The following ITPRIP variants were observed in gnomAD, a reference collection of about 807,000 sequenced individuals.
ITPRIP encodes the protein inositol 1,4,5-trisphosphate receptor-interacting protein.
A neutral mutation model predicts 35.8 loss-of-function variants in ITPRIP; 32 were observed. The observed-to-expected ratio is 0.89, with a 90% CI of 0.68 to 1.20. ITPRIP has a LOEUF of 1.20. ITPRIP is among the 50% of genes most tolerant of loss of function. ITPRIP has a pLI of 0.00. For synonymous variants in ITPRIP, 358 were observed against 324.0 expected (o/e 1.11, Z -1.13); for missense variants, 653 against 735.6 (o/e 0.89, Z 1.30).
chr10:104,320,107 CAG>C (rs749405241), intron 1 of ITPRIP, among the ~76,000 whole-genome samples: 9 of 152,182 alleles, frequency 5.9e-5, no homozygotes, highest in Non-Finnish European at 1.3e-4. Context: ...ACATTCTGTA[CAG>C]AATCTCCTTC....
Position 104,311,765 on chromosome 10 carries a change from C to T in ITPRIP, c.*2643G>A, listed in dbSNP as rs7083793. 1 of 152,100 alleles carries T rather than the reference C, an allele frequency of 6.6e-6. No homozygotes were observed. Among genetic ancestry groups the T allele is most frequent in the Non-Finnish European group, 1.5e-5 (1 of 68,020 alleles). 9.4% of individuals were successfully genotyped at this position (152,100 alleles called of 1,614,324 possible). On this transcript the variant is annotated 3_prime_UTR_variant, in exon 2 of 2. Transcript: ENST00000337478. The stretch of plus-strand genomic sequence containing the variant: ...TTGTCCTTAGTGGAAAGGCCAAAGT[C>T]CCCTAGAGGACTCAAAATCCTCTAT...
At chr10:104,325,792 C>T (rs904638711) in intron 1 of ITPRIP, among the ~76,000 whole-genome samples, 2 of 152,202 alleles carry the variant, frequency 1.3e-5, no homozygotes, top group Non-Finnish European at 2.9e-5. Context: ...CGCTAAGAAG[C>T]GCTTGGTATT....
At chr10:104,319,753 GC>G (rs1180722923) in intron 1 of ITPRIP, among the ~76,000 whole-genome samples, 1 of 151,860 alleles carries the variant, frequency 6.6e-6, no homozygotes, top group East Asian at 1.9e-4. Flanking sequence ...AGGAAACACT[GC>G]CCTGGGGACC....
In ITPRIP at chr10:104,333,181, A is replaced by C. The variant is rs1437914219; in HGVS notation, c.-14+5065T>G. Among the ~76,000 whole-genome samples the C allele has an allele frequency of 6.6e-6, 1 of 152,122 alleles. No individual in the cohort carries two copies. The highest frequency in any genetic ancestry group is 1.5e-5 in the Non-Finnish European group (1 of 68,016). The stretch of plus-strand genomic sequence containing the variant: ...CTAAGGAGTCCCGTTCAGAGAACTG[A>C]AGGAGACTGCAGCTGTCAGCACTGC... On this transcript the variant is annotated intron_variant, in intron 1 of 1. Transcript: ENST00000337478. This position sits in a 1 kb window ranked among gnomAD's most constrained non-coding sequence, Gnocchi z 4.1.
At position 104,311,455 on chromosome 10, in the gene ITPRIP, G is replaced by A. The variant is rs2013485327; in HGVS notation, c.*2953C>T. On this transcript the variant is annotated 3_prime_UTR_variant, in exon 2 of 2. Coordinates refer to ENST00000337478, the MANE Select transcript of ITPRIP (RefSeq NM_001272013.2). Reference sequence around the variant, plus strand: ...GATTCTGAGCACCATGTAGGTTCAAGGCGGGGTCGGGGCAATGGACCAGGT... The same window carrying A: ...GATTCTGAGCACCATGTAGGTTCAAAGCGGGGTCGGGGCAATGGACCAGGT... 1 of 152,282 alleles carries A rather than the reference G, an allele frequency of 6.6e-6. No homozygotes were observed. Among genetic ancestry groups the A allele is most frequent in the Admixed American group, 6.5e-5 (1 of 15,294 alleles). 9.4% of individuals were successfully genotyped at this position (152,282 alleles called of 1,614,324 possible). A position where few individuals can be genotyped will look rare whatever the true frequency, so the allele number is the denominator to read the frequency against.
rs766722442 is a variant in ITPRIP, at chr10:104,315,671, C to T, written c.381G>A (p.Gly127=). 1 of 1,612,798 alleles carries T rather than the reference C, an allele frequency of 6.2e-7. No individual in the cohort carries two copies. Among genetic ancestry groups the T allele is most frequent in the South Asian group, 1.1e-5 (1 of 91,068 alleles). Residue 127 remains glycine, a synonymous_variant, in exon 2 of 2, where the codon GGG becomes GGA. Coordinates refer to ENST00000337478, the MANE Select transcript of ITPRIP (RefSeq NM_001272013.2). This position sits in a 1 kb window ranked among gnomAD's most constrained non-coding sequence, Gnocchi z 5.7. ...GGGTGAGGCCCTGCAAGGGGGCGCCCCCCAGCCCAGGCAGCTCATCCTCCT... is the reference window on the plus strand; with the variant it reads ...GGGTGAGGCCCTGCAAGGGGGCGCCTCCCAGCCCAGGCAGCTCATCCTCCT... ...GGEEDELPGL[G]GAPLQGLTLP...
At position 104,315,665 on chromosome 10, in the gene ITPRIP, G is replaced by A; in HGVS notation, c.387C>T (p.Ala129=). ...EEDELPGLGG[A]PLQGLTLPNK... is the part of the protein sequence containing the mutation. ...TGGGCAGGGTGAGGCCCTGCAAGGG[G>A]GCGCCCCCCAGCCCAGGCAGCTCAT... is the stretch of plus-strand genomic sequence containing the variant. Residue 129 remains alanine (A), a synonymous_variant, in exon 2 of 2, where the codon GCC becomes GCT. Coordinates refer to ENST00000337478, the MANE Select transcript of ITPRIP (RefSeq NM_001272013.2). The surrounding 1 kb of genome is among the most constrained non-coding windows in gnomAD (Gnocchi z 5.7). 1 of 1,612,610 alleles carries A rather than the reference G, an allele frequency of 6.2e-7. No individual in the cohort carries two copies. The highest frequency in any genetic ancestry group is 1.1e-5 in the South Asian group (1 of 91,068).
intron 1 of ITPRIP, among the ~76,000 whole-genome samples, chr10:104,335,064 G>A (rs1430078409): frequency 1.3e-5 from 2 of 152,214 alleles, no homozygotes; most frequent in Admixed American, 6.5e-5. Context: ...GACAGGTGAC[G>A]TGATCCAGGT....
chr10:104,315,654 C>T lies in ITPRIP; in HGVS notation c.398G>A (p.Gly133Asp), dbSNP rs2013652046. The T allele has an allele frequency of 4.3e-6, 7 of 1,612,272 alleles. No individual in the cohort carries two copies. The highest frequency in any genetic ancestry group is 2.7e-5 in the African/African-American group (2 of 74,948). Residue 133 changes from glycine to aspartate, a missense_variant, in exon 2 of 2, where the codon GGC (glycine) becomes GAC (aspartate). Physicochemically the swap from Gly to Asp is moderately conservative, Grantham distance 94 (BLOSUM62 -1). Transcript: ENST00000337478. This position sits in a 1 kb window ranked among gnomAD's most constrained non-coding sequence, Gnocchi z 5.7. ...CGTGGCCTTGTTGGGCAGGGTGAGG[C>T]CCTGCAAGGGGGCGCCCCCCAGCCC... ...LPGLGGAPLQGLTLPNKATLG... is the reference protein window; with the variant it reads ...LPGLGGAPLQDLTLPNKATLG...
chr10:104,338,089 C>G (rs554004342), intron 1 of ITPRIP, among the ~76,000 whole-genome samples, 157 bp downstream of exon 1: 1 of 152,318 alleles, frequency 6.6e-6, no homozygotes, highest in South Asian at 2.1e-4. Context: ...AAGGGGGTCT[C>G]CAAAGTCAGC....
chr10:104,318,656 A>G (rs1483512859), intron 1 of ITPRIP, among the ~76,000 whole-genome samples: 3 of 152,156 alleles, frequency 2.0e-5, no homozygotes, highest in African/African-American at 7.2e-5. Context: ...CAGAACTCCA[A>G]ACCAACTGAA....
chr10:104,330,583 G>A (rs947806846), intron 1 of ITPRIP, among the ~76,000 whole-genome samples: 6 of 152,304 alleles, frequency 3.9e-5, no homozygotes, highest in African/African-American at 1.4e-4. Flanking sequence ...ATAAACAGAG[G>A]ATTACAGAGT....
intron 1 of ITPRIP, among the ~76,000 whole-genome samples, chr10:104,317,025 T>C (rs2013710911): frequency 6.6e-6 from 1 of 152,232 alleles, no homozygotes; most frequent in Non-Finnish European, 1.5e-5. Flanking sequence ...CAGTGACCAG[T>C]GCAAAGCACA....
intron 1 of ITPRIP, among the ~76,000 whole-genome samples, chr10:104,336,917 G>A (rs2014246055): frequency 6.6e-6 from 1 of 152,224 alleles, no homozygotes; most frequent in African/African-American, 2.4e-5. Flanking sequence ...TACGTAAAAT[G>A]TAGATTTACT....
At position 104,314,971 on chromosome 10, in the gene ITPRIP, A is replaced by T; in HGVS notation, c.1081T>A (p.Phe361Ile). The change falls in exon 2 of 2, where the codon TTT becomes ATT. Residue 361 changes from phenylalanine (F) to isoleucine (I), a missense_variant. Transcript: ENST00000337478. ...GGCTCCCTGGGAAGGTGGGAGACAA[A>T]GTACAGGTCCGAGTCATCACACTGG... is the stretch of plus-strand genomic sequence containing the variant. ...VIQCDDSDLYFVSHLPREPSE... is the reference protein window; with the variant it reads ...VIQCDDSDLYIVSHLPREPSE... 1 of 1,613,920 alleles carries T rather than the reference A, an allele frequency of 6.2e-7. No individual in the cohort carries two copies.
In ITPRIP at chr10:104,315,863, C is replaced by G; in HGVS notation, c.189G>C (p.Ala63=). Residue 63 remains alanine, a synonymous_variant, in exon 2 of 2, where the codon GCG becomes GCC. Transcript: ENST00000337478. The surrounding 1 kb of genome is among the most constrained non-coding windows in gnomAD (Gnocchi z 5.7). ...CCTGCTCCAGTGCCTCCTTTTCGGCCGCCAGCCGAGCCACCTCCTCCTCCA... is the reference window on the plus strand; with the variant it reads ...CCTGCTCCAGTGCCTCCTTTTCGGCGGCCAGCCGAGCCACCTCCTCCTCCA... The part of the protein sequence containing the change: ...LRLEEEVARL[A]AEKEALEQVA... The G allele has an allele frequency of 6.2e-7, 1 of 1,613,134 alleles. No individual in the cohort carries two copies.
intron 1 of ITPRIP, among the ~76,000 whole-genome samples, chr10:104,335,688 G>C (rs2014220870): frequency 6.6e-6 from 1 of 152,140 alleles, no homozygotes. Flanking sequence ...TCCTTTGACA[G>C]AGAAAGAAAA....
At position 104,315,804 on chromosome 10, in the gene ITPRIP, C is replaced by T. The variant is rs749925617; in HGVS notation, c.248G>A (p.Arg83His). 15 of 1,613,624 alleles carry T rather than the reference C, an allele frequency of 9.3e-6. No homozygotes were observed. The highest frequency in any genetic ancestry group is 4.4e-5 in the South Asian group (4 of 91,082). The change falls in exon 2 of 2, where the codon CGC (arginine) becomes CAC (histidine). Residue 83 changes from arginine (R) to histidine (H), a missense_variant. Transcript: ENST00000337478. This position sits in a 1 kb window ranked among gnomAD's most constrained non-coding sequence, Gnocchi z 5.7. ...AEEGRQQNET[R>H]VAWDLWSTLC... ...GGTGCTCCAGAGGTCCCAGGCCACG[C>T]GTGTCTCGTTCTGCTGCCTGCCCTC...
Position 104,333,748 on chromosome 10 carries a change from G to A in ITPRIP, c.-14+4498C>T, listed in dbSNP as rs572230067. 1 of 152,268 alleles carries A rather than the reference G, an allele frequency of 6.6e-6. No individual in the cohort carries two copies. The allele number at this position is 152,268 out of a possible 1,614,324, so 9.4% of individuals were successfully genotyped here. On this transcript the variant is annotated intron_variant, in intron 1 of 1. Transcript: ENST00000337478. The surrounding 1 kb of genome is among the most constrained non-coding windows in gnomAD (Gnocchi z 4.1). ...ACAAACTGCTGGAAAGACCACTGAG[G>A]ATAGATGTCCTCCCCGTCTAGGACA...
Sources: allele counts gnomAD v4.1 joint callset (sites outside exome capture counted in the v4.1 genomes callset), GRCh38; gene constraint gnomAD v4.1.1; non-coding constraint Gnocchi (gnomAD v3.1); transcripts MANE v1.5; gene names NCBI Gene and HGNC (gene_info 2026-07-23, HGNC 2026-07-21).